The following ABCB1 variants were observed in gnomAD, a reference collection of about 807,000 sequenced individuals.
ABCB1 encodes ATP-dependent translocase ABCB1.
In ABCB1, 69 loss-of-function variants were observed where a neutral mutation model predicts 142.0. The ratio of observed to expected loss-of-function variants is 0.49; its 90% CI spans 0.40 to 0.59. The LOEUF is 0.59. Ranked by LOEUF, ABCB1 falls within the 20% of genes least tolerant of loss-of-function variation. The probability of loss-of-function intolerance (pLI) is 0.00; values close to 1 mark genes in which losing one functional copy is unlikely to be tolerated. For missense variants in ABCB1, 1,326 were observed against 1,554.7 expected, an observed-to-expected ratio of 0.85 and a Z score of 2.47; for synonymous variants, 532 against 539.2, an observed-to-expected ratio of 0.99 and a Z score of 0.18.
intron 1 of ABCB1, among the ~76,000 whole-genome samples, chr7:87,693,510 T>C (rs1223987701): frequency 2.0e-5 from 3 of 152,224 alleles, no homozygotes; most frequent in Non-Finnish European, 2.9e-5. Context: ...GTGATTTTTT[T>C]TCCTAACCAA....
intron 1 of ABCB1, among the ~76,000 whole-genome samples, chr7:87,632,047 G>C (rs1290572704): frequency 2.0e-5 from 3 of 151,388 alleles, no homozygotes; most frequent in African/African-American, 7.3e-5. Context: ...AAATATTTTG[G>C]ACTGTGCCTT....
intron 1 of ABCB1, among the ~76,000 whole-genome samples, chr7:87,690,498 G>A (rs1266091883): frequency 6.6e-6 from 1 of 151,966 alleles, no homozygotes; most frequent in Non-Finnish European, 1.5e-5. Flanking sequence ...ACCTGTAAAT[G>A]GCATTTTAAA....
intron 22 of ABCB1, among the ~76,000 whole-genome samples, chr7:87,520,226 A>C (rs1446645107): frequency 6.6e-6 from 1 of 151,116 alleles, no homozygotes; most frequent in African/African-American, 2.4e-5. Flanking sequence ...CATTTTTTTT[A>C]AATAAAAGCT....
chr7:87,517,984 G>C (rs1181622401), intron 23 of ABCB1, among the ~76,000 whole-genome samples: 1 of 152,114 alleles, frequency 6.6e-6, no homozygotes, highest in Non-Finnish European at 1.5e-5. Flanking sequence ...TTGAAATATT[G>C]CTAAAAACTC....
intron 1 of ABCB1, among the ~76,000 whole-genome samples, chr7:87,639,484 T>C (rs1388578389): frequency 6.6e-6 from 1 of 152,194 alleles, no homozygotes; most frequent in Non-Finnish European, 1.5e-5. Context: ...TTGAGAGAGA[T>C]GTGTTAAAGT....
At chr7:87,619,323 G>A (rs1461159607) in intron 1 of ABCB1, among the ~76,000 whole-genome samples, 1 of 152,082 alleles carries the variant, frequency 6.6e-6, no homozygotes, top group Non-Finnish European at 1.5e-5. Context: ...CAGATCACTT[G>A]AGGTCATGAG....
intron 21 of ABCB1, 49 bp downstream of exon 21, chr7:87,531,245 A>G (rs2032583): frequency 0.13 from 186,988 of 1,488,128 alleles, 12,483 homozygotes; most frequent in African/African-American, 0.17. Context: ...AACACTGATT[A>G]GAATACTTTA....
chr7:87,515,121 G>C, intron 25 of ABCB1, 110 bp downstream of exon 25: 1 of 1,349,260 alleles, frequency 7.4e-7, no homozygotes, highest in Non-Finnish European at 1.0e-6. Context: ...ATCCAAGTGG[G>C]ACTGTTGTTT....
chr7:87,553,600 G>A (rs1470696682), intron 9 of ABCB1, among the ~76,000 whole-genome samples, 161 bp downstream of exon 9: 1 of 152,170 alleles, frequency 6.6e-6, no homozygotes, highest in African/African-American at 2.4e-5. Flanking sequence ...GATTACAGGT[G>A]TGAGCCACCG....
At chr7:87,530,593 T>TA (rs921453039) in intron 21 of ABCB1, among the ~76,000 whole-genome samples, 3 of 146,476 alleles carry the variant, frequency 2.0e-5, no homozygotes, top group Non-Finnish European at 3.0e-5. Context: ...AAAAAAGAAG[T>TA]AAAAAAAGGG....
At chr7:87,547,160 C>T (rs1816818975) in intron 14 of ABCB1, among the ~76,000 whole-genome samples, 1 of 152,072 alleles carries the variant, frequency 6.6e-6, no homozygotes, top group African/African-American at 2.4e-5. Context: ...ACTAGCAATA[C>T]AATTCTCAAA....
At chr7:87,628,692 C>T (rs879811583) in intron 1 of ABCB1, 1 of 525,916 alleles carries the variant, frequency 1.9e-6, no homozygotes, top group African/African-American at 2.0e-5. Flanking sequence ...CCACACCCTT[C>T]CTCCCTCCAG....
In ABCB1 at chr7:87,674,920, G is replaced by T. The variant is rs530154471; in HGVS notation, c.-331+38241C>A. Reference sequence around the variant, plus strand: ...GAGCATGGTAAGCCTTGGGGGAGGGGCATCCTTGGATGTGCTCCAGTGCAG... The same window carrying T: ...GAGCATGGTAAGCCTTGGGGGAGGGTCATCCTTGGATGTGCTCCAGTGCAG... On this transcript the variant is annotated intron_variant, in intron 1 of 28. Coordinates refer to the ABCB1 transcript ENST00000265724. Among the ~76,000 whole-genome samples the T allele has an allele frequency of 2.6e-5, 4 of 152,280 alleles. No homozygotes were observed. In the South Asian group the frequency reaches 8.3e-4, roughly 32 times the overall value.
intron 1 of ABCB1, among the ~76,000 whole-genome samples, chr7:87,710,981 A>G (rs2130742173): frequency 6.6e-6 from 1 of 152,298 alleles, no homozygotes; most frequent in South Asian, 2.1e-4. Context: ...TGAAATTTCA[A>G]TAGCATCTTT....
At chr7:87,589,783 AAAAG>A (rs1818908658) in intron 3 of ABCB1, among the ~76,000 whole-genome samples, 2 of 149,312 alleles carry the variant, frequency 1.3e-5, no homozygotes, top group Admixed American at 6.7e-5. Context: ...AAGACCTAAA[AAAAG>A]AAAGAGAGAG....
chr7:87,549,224 T>C (rs181607535), intron 14 of ABCB1, 124 bp downstream of exon 14: 1 of 1,106,448 alleles, frequency 9.0e-7, no homozygotes. Flanking sequence ...TTTATTTTAA[T>C]AGCTGAAGGA....
intron 1 of ABCB1, among the ~76,000 whole-genome samples, chr7:87,614,293 A>G (rs1053039081): frequency 3.0e-4 from 46 of 152,168 alleles, no homozygotes; most frequent in East Asian, 1.9e-4. Flanking sequence ...GCTACTAGGG[A>G]TGCTGAGGCA....
intron 5 of ABCB1, among the ~76,000 whole-genome samples, chr7:87,567,873 T>C (rs1228292136): frequency 1.3e-5 from 2 of 151,932 alleles, no homozygotes; most frequent in Non-Finnish European, 2.9e-5. Context: ...GGCAGACAGA[T>C]CACAAGGTCA....
intron 1 of ABCB1, among the ~76,000 whole-genome samples, chr7:87,664,456 T>C (rs1287124816): frequency 6.6e-6 from 1 of 152,192 alleles, no homozygotes; most frequent in African/African-American, 2.4e-5. Flanking sequence ...ACCCAGATGT[T>C]GGAATAATCA....
Sources: gnomAD v4.1 joint callset for allele counts (sites outside exome capture counted in the v4.1 genomes callset) on GRCh38, gnomAD v4.1.1 for gene constraint, MANE v1.5 for transcripts, NCBI Gene and HGNC (gene_info 2026-07-23, HGNC 2026-07-21) for gene names.